The following GMEB1 variants were observed in gnomAD, a reference collection of about 807,000 sequenced individuals.
GMEB1 encodes the protein glucocorticoid modulatory element-binding protein 1.
A neutral mutation model predicts 52.4 loss-of-function variants in GMEB1; 6 were observed. The ratio of observed to expected loss-of-function variants is 0.11; its 90% CI spans 0.06 to 0.23. GMEB1 has a LOEUF of 0.23. Ranked by LOEUF, GMEB1 falls within the 10% of genes least tolerant of loss-of-function variation. The pLI is 1.00. For synonymous variants in GMEB1, 255 were observed against 244.9 expected (o/e 1.04, Z -0.38); for missense variants, 486 against 685.6 (o/e 0.71, Z 3.25).
intron 8 of GMEB1, among the ~76,000 whole-genome samples, chr1:28,709,606 G>A (rs913531296): frequency 6.6e-6 from 1 of 151,850 alleles, no homozygotes; most frequent in Admixed American, 6.6e-5. Flanking sequence ...ATGGAGTCTG[G>A]CCCTGTCTTC....
chr1:28,699,542 G>C (rs1426983608), intron 6 of GMEB1, among the ~76,000 whole-genome samples: 2 of 151,892 alleles, frequency 1.3e-5, no homozygotes, highest in East Asian at 3.9e-4. Context: ...CAATTCTCCT[G>C]CCTCAGCCTC....
chr1:28,705,466 CT>C (rs1670708120), intron 8 of GMEB1, among the ~76,000 whole-genome samples: 1 of 133,060 alleles, frequency 7.5e-6, no homozygotes, highest in Non-Finnish European at 1.6e-5. Flanking sequence ...TTTTTTTTTC[CT>C]GAGACGGAGT....
chr1:28,685,820 A>G (rs763340892), intron 2 of GMEB1, among the ~76,000 whole-genome samples: 18 of 152,064 alleles, frequency 1.2e-4, no homozygotes, highest in Non-Finnish European at 2.1e-4. Context: ...TTAGCTGGGC[A>G]TGGTGGCGCA....
chr1:28,708,386 G>A (rs1030440955), intron 8 of GMEB1, among the ~76,000 whole-genome samples: 2 of 151,474 alleles, frequency 1.3e-5, no homozygotes, highest in African/African-American at 2.4e-5. Flanking sequence ...GGATGGTCTC[G>A]ATCTCCTGAC....
At chr1:28,697,159 G>GTCAATATA in intron 6 of GMEB1, 75 bp downstream of exon 6, 1 of 190,306 alleles carries the variant, frequency 5.3e-6, no homozygotes, top group East Asian at 1.6e-4. Flanking sequence ...TCCCTTGTGT[G>GTCAATATA]TACATATATA....
chr1:28,714,516 A>T lies in GMEB1; in HGVS notation c.1435A>T (p.Thr479Ser). ...GGATGGGAGTACACTGGGCAACATGACCACCATGGTTAGCCCTGTGGAATT... is the reference window on the plus strand; with the variant it reads ...GGATGGGAGTACACTGGGCAACATGTCCACCATGGTTAGCCCTGTGGAATT... ...MQDGSTLGNM[T>S]TMVSPVELVA... Residue 479 changes from threonine to serine, a missense_variant, in exon 10 of 10, where the codon ACC becomes TCC. Physicochemically the swap from Thr to Ser is moderately conservative, Grantham distance 58. Around this residue, in one of 5 missense-constraint regions of GMEB1, gnomAD observed 153 missense variants for 200.8 expected, o/e 0.76. Transcript: ENST00000373816. The T allele has an allele frequency of 1.2e-6, 2 of 1,614,080 alleles. No homozygotes were observed. The highest frequency in any genetic ancestry group is 2.2e-5 in the East Asian group (1 of 44,872).
intron 1 of GMEB1, among the ~76,000 whole-genome samples, chr1:28,669,739 T>G (rs1668797731): frequency 6.6e-6 from 1 of 151,966 alleles, no homozygotes. Context: ...ACCCGCTCGG[T>G]CAGGGGATGG....
rs1013807569 is a variant in GMEB1 at position 28,717,687 on chromosome 1, G to A, written c.*2914G>A. On this transcript the variant is annotated 3_prime_UTR_variant, in exon 10 of 10. Transcript: ENST00000373816. ...TCCTGCTTGTTTAGGTTTTCTGTTG[G>A]TACATAAAAACAAAATTGCTGTCTC... 3.3e-5 allele frequency: 5 copies of A among 152,200 alleles called. No individual in the cohort carries two copies. The highest frequency in any genetic ancestry group is 9.6e-5 in the African/African-American group (4 of 41,530). 9.4% of individuals were successfully genotyped at this position (152,200 alleles called of 1,614,324 possible). A position where few individuals can be genotyped will look rare whatever the true frequency, so the allele number is the denominator to read the frequency against.
chr1:28,697,873 C>T (rs908871573), intron 6 of GMEB1, among the ~76,000 whole-genome samples: 1 of 152,018 alleles, frequency 6.6e-6, no homozygotes, highest in East Asian at 1.9e-4. Flanking sequence ...GGTGCGGTGG[C>T]TCACGCCTGT....
At chr1:28,693,577 C>T (rs763061698) in intron 5 of GMEB1, among the ~76,000 whole-genome samples, 4 of 151,524 alleles carry the variant, frequency 2.6e-5, no homozygotes, top group Non-Finnish European at 4.4e-5. Flanking sequence ...AGTGCAGTGG[C>T]GCGACCTCGG....
At chr1:28,706,253 C>T (rs1670758302) in intron 8 of GMEB1, among the ~76,000 whole-genome samples, 1 of 152,102 alleles carries the variant, frequency 6.6e-6, no homozygotes, top group Non-Finnish European at 1.5e-5. Flanking sequence ...ATAGCTGTTT[C>T]TGAATACTTT....
chr1:28,694,125 A>G (rs1570410513), intron 5 of GMEB1, among the ~76,000 whole-genome samples: 3 of 152,088 alleles, frequency 2.0e-5, no homozygotes, highest in South Asian at 4.1e-4. Flanking sequence ...TAAGACATAC[A>G]TATGTAAGTA....
chr1:28,714,056 T>C lies in GMEB1; in HGVS notation c.992-17T>C. 6.3e-7 allele frequency: 1 copy of C among 1,585,072 alleles called. No individual in the cohort carries two copies. ...TTTTACTTCCCTCTACACAAAGTCT[T>C]TTCTTTTTTTCCATAGACTTGGAAC... On this transcript the variant is annotated splice_polypyrimidine_tract_variant and intron_variant, in intron 9 of 9. Transcript: ENST00000373816.
chr1:28,680,216 A>G (rs1415517100), intron 1 of GMEB1, among the ~76,000 whole-genome samples: 1 of 146,794 alleles, frequency 6.8e-6, no homozygotes, highest in Non-Finnish European at 1.5e-5. Flanking sequence ...TCCTGTCTCT[A>G]TCTTTAAATA....
intron 2 of GMEB1, among the ~76,000 whole-genome samples, chr1:28,689,461 C>T (rs1417423921): frequency 6.6e-6 from 1 of 152,066 alleles, no homozygotes; most frequent in Non-Finnish European, 1.5e-5. Context: ...CCCATCTCTA[C>T]TGAAAATACA....
chr1:28,669,689 T>C (rs1668794997), intron 1 of GMEB1, among the ~76,000 whole-genome samples: 1 of 151,902 alleles, frequency 6.6e-6, no homozygotes, highest in Admixed American at 6.6e-5. Context: ...GGATGGAAGG[T>C]GTCTAGGTGC....
chr1:28,704,859 C>G (rs112577528), intron 8 of GMEB1, among the ~76,000 whole-genome samples: 1 of 151,936 alleles, frequency 6.6e-6, no homozygotes, highest in African/African-American at 2.4e-5. Flanking sequence ...CCCCCCGCCT[C>G]GGCCTCCCAA....
intron 5 of GMEB1, among the ~76,000 whole-genome samples, chr1:28,694,260 G>A (rs1185752245): frequency 1.4e-4 from 20 of 147,448 alleles, no homozygotes; most frequent in African/African-American, 4.5e-4. Context: ...GCGCAGTCTC[G>A]GCTCACTGCA....
chr1:28,668,759 G>C (rs1043712761), upstream of GMEB1: 3 of 152,426 alleles, frequency 2.0e-5, no homozygotes, highest in African/African-American at 4.8e-5. Context: ...GGCGGTGGCG[G>C]TAGCTGCCGT....
Sources: allele counts gnomAD v4.1 joint callset (sites outside exome capture counted in the v4.1 genomes callset), GRCh38; gene constraint gnomAD v4.1.1; regional missense constraint gnomAD v4.1.1; transcripts MANE v1.5; gene names NCBI Gene and HGNC (gene_info 2026-07-23, HGNC 2026-07-21).